IGSF5: variants seen among roughly 807,000 people sequenced by gnomAD.
The protein encoded by IGSF5 is immunoglobulin superfamily member 5.
IGSF5 carries 41 observed loss-of-function variants against 39.4 expected under a neutral mutation model. The ratio of observed to expected loss-of-function variants is 1.04; its 90% CI spans 0.81 to 1.35. The LOEUF (loss-of-function observed/expected upper bound fraction) is 1.35. Ranked by LOEUF, IGSF5 falls within the 40% of genes most tolerant of loss-of-function variation. The pLI is 0.00. For synonymous variants in IGSF5, 183 were observed against 175.3 expected (o/e 1.04, Z -0.34); for missense variants, 487 against 494.6 (o/e 0.98, Z 0.15).
At chr21:39,755,977 G>C (rs2080028069) in intron 2 of IGSF5, among the ~76,000 whole-genome samples, 1 of 149,856 alleles carries the variant, frequency 6.7e-6, no homozygotes, top group Non-Finnish European at 1.5e-5. Context: ...CGTACTTCCA[G>C]CTACTTGGGA....
chr21:39,712,818 A>C, the IGSF5 span, among the ~76,000 whole-genome samples: 5 of 152,132 alleles, frequency 3.3e-5, no homozygotes, highest in Non-Finnish European at 7.4e-5. Flanking sequence ...TTTAATGCTC[A>C]TCCTGACAGG....
the IGSF5 span, among the ~76,000 whole-genome samples, chr21:39,715,179 G>A: frequency 4.6e-5 from 7 of 151,702 alleles, no homozygotes; most frequent in East Asian, 3.9e-4. Flanking sequence ...ATGCAGTGGC[G>A]TCATCTCAGC....
intron 2 of IGSF5, among the ~76,000 whole-genome samples, chr21:39,761,581 A>G (rs1043900308): frequency 3.3e-5 from 5 of 152,238 alleles, no homozygotes; most frequent in Non-Finnish European, 7.3e-5. Flanking sequence ...AAATAATCCA[A>G]TTAAAAAATG....
intron 2 of IGSF5, among the ~76,000 whole-genome samples, chr21:39,746,779 G>T (rs1377481294): frequency 2.0e-5 from 3 of 152,112 alleles, no homozygotes; most frequent in African/African-American, 7.2e-5. Context: ...CTCAGAGTTT[G>T]CCATTGTTAT....
intron 7 of IGSF5, among the ~76,000 whole-genome samples, chr21:39,792,333 G>A (rs2086970182): frequency 6.6e-6 from 1 of 152,210 alleles, no homozygotes; most frequent in African/African-American, 2.4e-5. Flanking sequence ...AACCCTGAGA[G>A]CTTTAAAAAA....
Position 39,765,675 on chromosome 21 carries a change from G to A in IGSF5, c.241G>A (p.Val81Ile), listed in dbSNP as rs371108598. The stretch of plus-strand genomic sequence containing the variant: ...TCTCAGTGACATGGTGGTGCTAAGC[G>A]TCAGGCCCATGGAGCCCATCATCAC... ...WALSDMVVLS[V>I]RPMEPIITND... The change falls in exon 3 of 9, where the codon GTC becomes ATC. Residue 81 changes from valine (V) to isoleucine (I), a missense_variant. Val to Ile is a conservative substitution (Grantham distance 29). Transcript: ENST00000380588. The A allele has an allele frequency of 1.1e-4, 181 of 1,613,982 alleles. No homozygotes were observed. Among genetic ancestry groups the A allele is most frequent in the Non-Finnish European group, 1.4e-4 (163 of 1,180,022 alleles).
chr21:39,793,657 T>A, intron 8 of IGSF5, 44 bp downstream of exon 8: 1 of 1,446,224 alleles, frequency 6.9e-7, no homozygotes, highest in South Asian at 1.2e-5. Context: ...TTTTGGCTAT[T>A]TAAAAATTCT....
chr21:39,800,446 A>G (rs1375980150), intron 8 of IGSF5, among the ~76,000 whole-genome samples: 1 of 152,264 alleles, frequency 6.6e-6, no homozygotes. Flanking sequence ...AAACGACAGT[A>G]GGAATCTCTA....
chr21:39,726,407 C>T, the IGSF5 span, among the ~76,000 whole-genome samples: 4 of 152,132 alleles, frequency 2.6e-5, no homozygotes, highest in Non-Finnish European at 2.9e-5. Flanking sequence ...GCTTGGAGTG[C>T]GCAGAAGACA....
intron 6 of IGSF5, among the ~76,000 whole-genome samples, chr21:39,790,715 CTT>C (rs1304800013): frequency 4.6e-5 from 7 of 152,180 alleles, no homozygotes; most frequent in African/African-American, 1.4e-4. Context: ...TTGTAGGAGT[CTT>C]TTGGTGAACA....
At chr21:39,756,047 TGC>T (rs2080028534) in intron 2 of IGSF5, among the ~76,000 whole-genome samples, 1 of 151,902 alleles carries the variant, frequency 6.6e-6, no homozygotes, top group Non-Finnish European at 1.5e-5. Context: ...GCCGAGATCG[TGC>T]CATTGCACTC....
chr21:39,738,360 C>T, the IGSF5 span, among the ~76,000 whole-genome samples: 18 of 152,130 alleles, frequency 1.2e-4, 1 homozygote, highest in South Asian at 2.1e-4. This position sits in a 1 kb window ranked among gnomAD's most constrained non-coding sequence, Gnocchi z 6.4. Flanking sequence ...GCCCAACAGC[C>T]GCTTGATTCA....
At chr21:39,798,229 T>C (rs147233132) in intron 8 of IGSF5, among the ~76,000 whole-genome samples, 247 of 152,296 alleles carry the variant, frequency 1.6e-3, no homozygotes, top group African/African-American at 5.4e-3. Context: ...TCAGGAGTTT[T>C]GGAAAGGGAA....
Position 39,765,631 on chromosome 21 carries a change from G to A in IGSF5, c.197G>A (p.Trp66Ter), listed in dbSNP as rs779109960. The A allele has an allele frequency of 1.2e-6, 2 of 1,614,030 alleles. No homozygotes were observed. Among genetic ancestry groups the A allele is most frequent in the Non-Finnish European group, 1.7e-6 (2 of 1,180,026 alleles). Residue 66 changes from tryptophan to a stop codon, truncating the protein, a stop_gained, in exon 3 of 9, where the codon TGG (tryptophan) becomes TAG (stop). Coordinates refer to ENST00000380588, the MANE Select transcript of IGSF5 (RefSeq NM_001080444.2). LOFTEE classifies it high-confidence loss of function. ...TTCAACTGCACCGTCTCCCAGGGCT[G>A]GAAGCTCATCATGTGGGCTCTCAGT... ...ARFNCTVSQG[W>*]KLIMWALSDM...
At chr21:39,772,812 A>T (rs1183243357) in intron 4 of IGSF5, among the ~76,000 whole-genome samples, 1 of 152,188 alleles carries the variant, frequency 6.6e-6, no homozygotes, top group Non-Finnish European at 1.5e-5. Context: ...TGGTCACAGG[A>T]TGACAATTTT....
At chr21:39,757,957 C>A (rs1254126211) in intron 2 of IGSF5, among the ~76,000 whole-genome samples, 1 of 152,188 alleles carries the variant, frequency 6.6e-6, no homozygotes, top group South Asian at 2.1e-4. Flanking sequence ...CGGGCACACA[C>A]CAGCTGCGGG....
Position 39,770,944 on chromosome 21 carries a change from T to G in IGSF5, c.447T>G (p.Val149=). 6.3e-7 allele frequency: 1 copy of G among 1,591,008 alleles called. No homozygotes were observed. The highest frequency in any genetic ancestry group is 8.6e-7 in the Non-Finnish European group (1 of 1,167,188). ...QVMGELFIPS[V]NLVVAENEPC... ...TGGGAGAGCTGTTCATTCCCAGTGT[T>G]AATCTTGTAGTCGCTGAGAATGAAC... The change falls in exon 4 of 9, where the codon GTT becomes GTG. Residue 149 remains valine, a synonymous_variant. Transcript: ENST00000380588.
chr21:39,757,502 C>T (rs2080037381), intron 2 of IGSF5, among the ~76,000 whole-genome samples: 2 of 151,282 alleles, frequency 1.3e-5, no homozygotes, highest in African/African-American at 4.9e-5. Context: ...TGGAGGGCTT[C>T]TTTAAATCCA....
At chr21:39,731,533 GT>G in the IGSF5 span, among the ~76,000 whole-genome samples, 2 of 152,218 alleles carry the variant, frequency 1.3e-5, no homozygotes, top group East Asian at 3.9e-4. Flanking sequence ...TAAAAGCAGA[GT>G]TTTTCCTCCG....
Sources: gnomAD v4.1 joint callset for allele counts (sites outside exome capture counted in the v4.1 genomes callset) on GRCh38, gnomAD v4.1.1 for gene constraint, Gnocchi (gnomAD v3.1) non-coding constraint, MANE v1.5 for transcripts, NCBI Gene and HGNC (gene_info 2026-07-23, HGNC 2026-07-21) for gene names.